TBC1D32: variants seen among roughly 807,000 people sequenced by gnomAD.
TBC1D32 encodes TBC1 domain family member 32, also known as protein broad-minded.
A neutral mutation model predicts 170.3 loss-of-function variants in TBC1D32; 151 were observed. The ratio of observed to expected loss-of-function variants is 0.89; its 90% CI spans 0.78 to 1.01. The LOEUF is 1.01. TBC1D32 is among the 50% of genes least tolerant of loss of function. The probability of loss-of-function intolerance (pLI) is 0.00; values close to 1 mark genes in which losing one functional copy is unlikely to be tolerated. For missense variants in TBC1D32, 1,464 were observed against 1,457.1 expected (o/e 1.00, Z -0.08); for synonymous variants, 498 against 488.0 (o/e 1.02, Z -0.27).
At chr6:121,151,710 G>C (rs1022178206) in intron 24 of TBC1D32, among the ~76,000 whole-genome samples, 10 of 152,162 alleles carry the variant, frequency 6.6e-5, no homozygotes, top group African/African-American at 2.4e-4. Context: ...ATATATTTAG[G>C]ATAGTTAGCT....
At chr6:121,257,193 T>A (rs190577645) in intron 15 of TBC1D32, among the ~76,000 whole-genome samples, 4 of 152,304 alleles carry the variant, frequency 2.6e-5, no homozygotes, top group Admixed American at 6.5e-5. Flanking sequence ...TATAAAGTGA[T>A]CATCAGATCT....
intron 12 of TBC1D32, among the ~76,000 whole-genome samples, chr6:121,288,698 A>C (rs917718705): frequency 3.3e-5 from 5 of 152,076 alleles, no homozygotes; most frequent in African/African-American, 7.2e-5. Flanking sequence ...GAGACACAAC[A>C]AAAAAAGAGA....
chr6:121,313,729 A>G (rs1459485031), intron 3 of TBC1D32, among the ~76,000 whole-genome samples: 1 of 152,152 alleles, frequency 6.6e-6, no homozygotes, highest in Non-Finnish European at 1.5e-5. Flanking sequence ...GGGTAGCCAG[A>G]CATGGAGGAA....
At chr6:121,086,857 T>C (rs1776315941) in intron 31 of TBC1D32, among the ~76,000 whole-genome samples, 1 of 152,108 alleles carries the variant, frequency 6.6e-6, no homozygotes, top group African/African-American at 2.4e-5. Context: ...CTAAACCTGT[T>C]TGTGTGTGTG....
chr6:121,100,448 C>T (rs529301580), intron 30 of TBC1D32, among the ~76,000 whole-genome samples: 5 of 152,004 alleles, frequency 3.3e-5, no homozygotes, highest in Admixed American at 2.6e-4. Flanking sequence ...AATCTGAGTG[C>T]TCCTGTATTG....
chr6:121,252,073 A>T (rs976984132), intron 17 of TBC1D32, among the ~76,000 whole-genome samples: 3 of 152,166 alleles, frequency 2.0e-5, no homozygotes, highest in African/African-American at 7.2e-5. Flanking sequence ...TCAGGAAAAA[A>T]CAGGTGCTAG....
At chr6:121,317,736 A>C in intron 2 of TBC1D32, 64 bp from the exon 3 acceptor site, 1 of 1,184,194 alleles carries the variant, frequency 8.4e-7, no homozygotes. Context: ...TCAACTAGTT[A>C]AATTATCTAA....
At chr6:121,256,010 TACA>T (rs1173769885) in intron 16 of TBC1D32, 71 bp downstream of exon 16, 18 of 1,301,234 alleles carry the variant, frequency 1.4e-5, no homozygotes, top group Non-Finnish European at 1.9e-5. Context: ...TCATCCAAAG[TACA>T]ACACTATAAT....
chr6:121,267,078 TA>T (rs60556893), intron 15 of TBC1D32, among the ~76,000 whole-genome samples: 13,748 of 87,262 alleles, frequency 0.16, 1,038 homozygotes, highest in African/African-American at 0.29. Flanking sequence ...AAAGTAAAAT[TA>T]AAAAAAAAAA....
intron 15 of TBC1D32, among the ~76,000 whole-genome samples, chr6:121,271,948 T>C (rs1049466486): frequency 2.0e-5 from 3 of 151,920 alleles, no homozygotes; most frequent in African/African-American, 7.3e-5. Context: ...TCAGAAATAA[T>C]ACCACACATC....
intron 30 of TBC1D32, among the ~76,000 whole-genome samples, chr6:121,101,225 G>T (rs896646191): frequency 1.3e-5 from 2 of 151,842 alleles, no homozygotes; most frequent in Non-Finnish European, 2.9e-5. Flanking sequence ...GAATCCTCCC[G>T]AACTCATTTT....
intron 5 of TBC1D32, among the ~76,000 whole-genome samples, chr6:121,305,184 G>A (rs113442566): frequency 0.014 from 2,175 of 152,056 alleles, 13 homozygotes; most frequent in Middle Eastern, 0.034. Flanking sequence ...TTAACACCCC[G>A]TATTTCCAAA....
chr6:121,107,954 T>C (rs965962149), intron 29 of TBC1D32, among the ~76,000 whole-genome samples: 14 of 152,078 alleles, frequency 9.2e-5, no homozygotes, highest in African/African-American at 3.4e-4. Context: ...CTTCTACTCT[T>C]ATAAATTAGA....
chr6:121,207,052 A>C (rs2128306885), intron 21 of TBC1D32, among the ~76,000 whole-genome samples: 1 of 152,330 alleles, frequency 6.6e-6, no homozygotes, highest in East Asian at 1.9e-4. Flanking sequence ...CTATCTACCT[A>C]TTCTACAAAT....
intron 19 of TBC1D32, among the ~76,000 whole-genome samples, chr6:121,240,567 T>C (rs1468748277): frequency 1.3e-5 from 2 of 151,774 alleles, no homozygotes; most frequent in East Asian, 3.9e-4. Context: ...AGGGATTATA[T>C]ATTGTTCAGA....
At chr6:121,318,838 T>G (rs916708716) in intron 2 of TBC1D32, among the ~76,000 whole-genome samples, 1 of 150,904 alleles carries the variant, frequency 6.6e-6, no homozygotes, top group Non-Finnish European at 1.5e-5. Flanking sequence ...GAAAATACAC[T>G]AGGAAAATAT....
At chr6:121,280,036 T>C (rs1475394380) in intron 14 of TBC1D32, among the ~76,000 whole-genome samples, 2 of 151,958 alleles carry the variant, frequency 1.3e-5, no homozygotes, top group Non-Finnish European at 2.9e-5. Context: ...GCCTAACTAA[T>C]GATTAGTCAG....
intron 24 of TBC1D32, among the ~76,000 whole-genome samples, chr6:121,136,941 T>C (rs1215998225): frequency 6.6e-6 from 1 of 152,142 alleles, no homozygotes; most frequent in Non-Finnish European, 1.5e-5. Flanking sequence ...TAATTAGTTA[T>C]AAAGTCTATA....
intron 19 of TBC1D32, among the ~76,000 whole-genome samples, chr6:121,239,885 C>T (rs1383102905): frequency 1.3e-5 from 2 of 152,010 alleles, no homozygotes; most frequent in Non-Finnish European, 2.9e-5. Context: ...CAACAATATT[C>T]GATCAGAAAG....
Sources: gnomAD v4.1 joint callset for allele counts (sites outside exome capture counted in the v4.1 genomes callset) on GRCh38, gnomAD v4.1.1 for gene constraint, MANE v1.5 for transcripts, NCBI Gene and HGNC (gene_info 2026-07-23, HGNC 2026-07-21) for gene names.